Variants in HSP90AA1 observed in about 807,000 individuals in gnomAD.
HSP90AA1 encodes the protein heat shock protein HSP 90-alpha.
Under a neutral mutation model 73.3 loss-of-function variants are expected in HSP90AA1, and 18 were observed. That is an observed-to-expected ratio of 0.25 (90% CI 0.17 to 0.36). The LOEUF (loss-of-function observed/expected upper bound fraction) is 0.36, where lower values mean the gene tolerates loss of function less well. Ranked by LOEUF, HSP90AA1 falls within the 10% of genes least tolerant of loss-of-function variation. The pLI is 1.00. For missense variants in HSP90AA1, 704 were observed against 874.2 expected, an observed-to-expected ratio of 0.81 and a Z score of 2.45; for synonymous variants, 477 against 296.9, an observed-to-expected ratio of 1.61 and a Z score of -6.24.
chr14:102,108,168 T>G (rs1209487130), intron 1 of HSP90AA1, among the ~76,000 whole-genome samples: 6 of 142,774 alleles, frequency 4.2e-5, no homozygotes, highest in Non-Finnish European at 9.0e-5. Flanking sequence ...GAGGCTGAGG[T>G]GGGAGGACTG....
rs147194786 is a variant in HSP90AA1, at chr14:102,093,441, C to A, written c.367-7063G>T. Among the ~76,000 whole-genome samples the A allele has an allele frequency of 2.7e-5, 4 of 148,142 alleles. No homozygotes were observed. In the Admixed American group the frequency reaches 2.7e-4, roughly 10 times the overall value. The stretch of plus-strand genomic sequence containing the variant: ...AGAGAACCGCTTAAACCCGAGAGCA[C>A]ACCACTGCACTCCAGCCTGGTGACA... On this transcript the variant is annotated intron_variant, in intron 2 of 11. Transcript: ENST00000334701.
chr14:102,112,664 G>A (rs937641164), intron 1 of HSP90AA1, among the ~76,000 whole-genome samples: 2 of 151,926 alleles, frequency 1.3e-5, no homozygotes, highest in Admixed American at 6.6e-5. Context: ...TTTTTTTGTA[G>A]AGATGGAGGT....
chr14:102,105,123 G>A lies in HSP90AA1; in HGVS notation c.156-3038C>T, dbSNP rs1044979613. Among the ~76,000 whole-genome samples the A allele has an allele frequency of 2.0e-5, 3 of 147,064 alleles. No homozygotes were observed. In the South Asian group the frequency reaches 6.4e-4, roughly 31 times the overall value. ...CTCAGGAGGCTGAGGCAGGAGAATC[G>A]CTTGAACCCGGGAGGTGGAGATTGC... On this transcript the variant is annotated intron_variant, in intron 1 of 11. Coordinates refer to the HSP90AA1 transcript ENST00000334701.
chr14:102,086,826 G>A (rs1039361212), intron 1 of HSP90AA1, among the ~76,000 whole-genome samples, 160 bp downstream of exon 1: 2 of 151,708 alleles, frequency 1.3e-5, no homozygotes. Flanking sequence ...GGAAACCGCA[G>A]CGGTCCCGAG....
Position 102,084,972 on chromosome 14 carries a change from T to G in HSP90AA1, c.690A>C (p.Val230=). The change falls in exon 5 of 11, where the codon GTA becomes GTC. Residue 230 remains valine, a synonymous_variant. Transcript: ENST00000216281. ...CCTTTTCTTCAGCCTCATCATCGCT[T>G]ACTTCTTTATCACGTTCCTTCTCCA... is the stretch of plus-strand genomic sequence containing the variant. ...LFVEKERDKE[V]SDDEAEEKED... 1 of 1,612,300 alleles carries G rather than the reference T, an allele frequency of 6.2e-7. No homozygotes were observed. The highest frequency in any genetic ancestry group is 2.2e-5 in the East Asian group (1 of 44,868).
At chr14:102,097,349 G>C (rs1316940509) in intron 2 of HSP90AA1, among the ~76,000 whole-genome samples, 1 of 150,408 alleles carries the variant, frequency 6.6e-6, no homozygotes, top group East Asian at 1.9e-4. Context: ...AAAATTTGAA[G>C]CAAGCTGAGT....
chr14:102,127,712 T>C (rs2049856389), intron 1 of HSP90AA1, among the ~76,000 whole-genome samples: 1 of 152,116 alleles, frequency 6.6e-6, no homozygotes. Flanking sequence ...AATGCAGTGT[T>C]ATGAACACAG....
intron 1 of HSP90AA1, among the ~76,000 whole-genome samples, chr14:102,109,381 G>A (rs2049610427): frequency 6.6e-6 from 1 of 152,152 alleles, no homozygotes; most frequent in South Asian, 2.1e-4. Flanking sequence ...TGTTGTGGGA[G>A]GGAGCTGGTG....
chr14:102,098,670 G>A (rs894151779), intron 2 of HSP90AA1, among the ~76,000 whole-genome samples: 1 of 151,978 alleles, frequency 6.6e-6, no homozygotes, highest in African/African-American at 2.4e-5. Flanking sequence ...CACCATGTTA[G>A]CCAGGATGGT....
At position 102,102,737 on chromosome 14, in the gene HSP90AA1, T is replaced by C. The variant is rs117809476; in HGVS notation, c.156-652A>G. ...TTAGATAAAATATGGGGAAATATAGTACATAATAAGCACTCAAGGCCGGGA... is the reference window on the plus strand; with the variant it reads ...TTAGATAAAATATGGGGAAATATAGCACATAATAAGCACTCAAGGCCGGGA... On this transcript the variant is annotated intron_variant, in intron 1 of 11. Coordinates refer to the HSP90AA1 transcript ENST00000334701. Among the ~76,000 whole-genome samples, 31 of 152,294 alleles carry C rather than the reference T, an allele frequency of 2.0e-4. No individual in the cohort carries two copies. The East Asian group carries it at 5.8e-3, about 28-fold the overall frequency.
At position 102,084,034 on chromosome 14, in the gene HSP90AA1, G is replaced by GT. The variant is rs774622034; in HGVS notation, c.1148-52dup. 3.7e-6 allele frequency: 5 copies of GT among 1,363,198 alleles called. No individual in the cohort carries two copies. The Middle Eastern group carries it at 7.1e-4, about 193-fold the overall frequency. The allele number at this position is 1,363,198 out of a possible 1,614,324, so 84.4% of individuals were successfully genotyped here. A position where few individuals can be genotyped will look rare whatever the true frequency, so the allele number is the denominator to read the frequency against. On this transcript the variant is annotated intron_variant, in intron 6 of 10. Transcript: ENST00000216281. ...CTGAGTCATTCCAAGGACAAAACTG[G>GT]TACTATGTAAACTCCCAAAATCAAA...
At chr14:102,086,942 CGGTCCCCAGTCCACCTCCACA>C in intron 1 of HSP90AA1, 23 bp downstream of exon 1, 2 of 966,148 alleles carry the variant, frequency 2.1e-6, no homozygotes, top group Non-Finnish European at 2.5e-6. Context: ...CCCCCAGTCC[CGGTCCCCAGTCCACCTCCACA>C]GGCCCCCACA....
chr14:102,083,000 G>T, intron 9 of HSP90AA1, 34 bp downstream of exon 9: 1 of 1,598,488 alleles, frequency 6.3e-7, no homozygotes, highest in Non-Finnish European at 8.6e-7. Flanking sequence ...CACCTTAGAA[G>T]TATCAATGAT....
At position 102,124,066 on chromosome 14, in the gene HSP90AA1, A is replaced by C. The variant is rs562087038; in HGVS notation, c.155+15184T>G. On this transcript the variant is annotated intron_variant, in intron 1 of 11. Coordinates refer to the HSP90AA1 transcript ENST00000334701. ...CCAAAATGCTGGGATTACAGGCGGA[A>C]ACTACCACGTCCAGCCTATTTATCT... 2.6e-5 allele frequency among the ~76,000 whole-genome samples: 4 copies of C among 152,200 alleles called. No individual in the cohort carries two copies. In the East Asian group the frequency reaches 7.7e-4, roughly 29 times the overall value.
At chr14:102,088,166 T>G (rs1447306754), upstream of HSP90AA1, among the ~76,000 whole-genome samples, 1 of 152,120 alleles carries the variant, frequency 6.6e-6, no homozygotes, top group Non-Finnish European at 1.5e-5. Flanking sequence ...GGTTTCACCA[T>G]GTTGCCCAGG....
intron 1 of HSP90AA1, among the ~76,000 whole-genome samples, chr14:102,120,828 C>T: frequency 6.6e-6 from 1 of 151,644 alleles, no homozygotes; most frequent in East Asian, 1.9e-4. Flanking sequence ...ATCCCAGCTA[C>T]TCAGGAGGCA....
At chr14:102,085,525 T>C in intron 3 of HSP90AA1, 94 bp from the exon 4 acceptor site, 1 of 1,342,796 alleles carries the variant, frequency 7.4e-7, no homozygotes, top group South Asian at 1.2e-5. Context: ...AAAGCAAGGT[T>C]TGCCGTTACT....
chr14:102,082,391 T>G lies in HSP90AA1; in HGVS notation c.1809A>C (p.Thr603=), dbSNP rs568078746. Residue 603 remains threonine (T), a synonymous_variant, in exon 10 of 11, where the codon ACA becomes ACC. Coordinates refer to ENST00000216281, the MANE Select transcript of HSP90AA1 (RefSeq NM_005348.4). ...VTSPCCIVTS[T]YGWTANMERI... is the part of the protein sequence containing the mutation. ...TCTCCATGTTTGCTGTCCAGCCATA[T>G]GTGCTTGTGACAATACAGCATGGAG... 2 of 1,613,976 alleles carry G rather than the reference T, an allele frequency of 1.2e-6. No homozygotes were observed. The highest frequency in any genetic ancestry group is 1.7e-6 in the Non-Finnish European group (2 of 1,179,968).
intron 2 of HSP90AA1, chr14:102,101,798 C>A (rs2049496418): frequency 8.2e-7 from 1 of 1,225,076 alleles, no homozygotes. Flanking sequence ...GTGACTCCAA[C>A]CACCGGTTGG....
Sources: allele counts gnomAD v4.1 joint callset (sites outside exome capture counted in the v4.1 genomes callset), GRCh38; gene constraint gnomAD v4.1.1; transcripts MANE v1.5; gene names NCBI Gene and HGNC (gene_info 2026-07-23, HGNC 2026-07-21).